FGD6: variants seen among roughly 807,000 people sequenced by gnomAD.
FGD6 encodes FYVE, RhoGEF and PH domain-containing protein 6.
A neutral mutation model predicts 149.4 loss-of-function variants in FGD6; 90 were observed. The observed-to-expected ratio is 0.60, with a 90% CI of 0.51 to 0.72. The LOEUF (loss-of-function observed/expected upper bound fraction) is 0.72. Ranked by LOEUF, FGD6 falls within the 30% of genes least tolerant of loss-of-function variation. The pLI is 0.00. For missense variants in FGD6, 1,437 were observed against 1,684.8 expected (o/e 0.85, Z 2.57); for synonymous variants, 527 against 584.0 (o/e 0.90, Z 1.41).
intron 1 of FGD6, among the ~76,000 whole-genome samples, chr12:95,213,021 C>T (rs902218225): frequency 1.3e-5 from 2 of 151,288 alleles, no homozygotes; most frequent in African/African-American, 4.9e-5. Flanking sequence ...GTTAGCTGTT[C>T]AATCATCATA....
rs185932371 is a variant in FGD6 at position 95,086,058 on chromosome 12, G to C, written c.3979-150C>G. On this transcript the variant is annotated intron_variant, in intron 18 of 20. Coordinates refer to ENST00000343958, the MANE Select transcript of FGD6 (RefSeq NM_018351.4). ...TTTTCAAAGTGCTACTATACAAATTGAACTCTGCTATTAACATGAGCACAA... is the reference window on the plus strand; with the variant it reads ...TTTTCAAAGTGCTACTATACAAATTCAACTCTGCTATTAACATGAGCACAA... 5.8e-4 allele frequency: 448 copies of C among 768,908 alleles called. No homozygotes were observed. In the African/African-American group the frequency reaches 7.2e-3, roughly 12 times the overall value. The allele number at this position is 768,908 out of a possible 1,614,324, so 47.6% of individuals were successfully genotyped here.
intron 8 of FGD6, 22 bp from the exon 9 acceptor site, chr12:95,113,723 T>G (rs937934483): frequency 6.7e-7 from 1 of 1,499,022 alleles, no homozygotes; most frequent in African/African-American, 1.4e-5. Context: ...GAAAAAAAAG[T>G]ATTTAAGTAC....
At chr12:95,194,800 T>C (rs1481989466) in intron 2 of FGD6, among the ~76,000 whole-genome samples, 1 of 152,190 alleles carries the variant, frequency 6.6e-6, no homozygotes, top group African/African-American at 2.4e-5. Flanking sequence ...GTTGTGATTC[T>C]TTACTATAGT....
intron 6 of FGD6, among the ~76,000 whole-genome samples, chr12:95,139,437 C>G (rs1444045764): frequency 6.9e-6 from 1 of 145,560 alleles, no homozygotes; most frequent in African/African-American, 2.6e-5. Context: ...GAAAATCTGT[C>G]TCAAAAAAAA....
At chr12:95,092,996 G>T in intron 15 of FGD6, 151 bp from the exon 16 acceptor site, 1 of 823,386 alleles carries the variant, frequency 1.2e-6, no homozygotes, top group Non-Finnish European at 1.9e-6. Flanking sequence ...CGAGTCGAGT[G>T]GATCACATGA....
At chr12:95,089,446 T>G (rs1818278778) in intron 18 of FGD6, 123 bp downstream of exon 18, 1 of 1,263,644 alleles carries the variant, frequency 7.9e-7, no homozygotes, top group Non-Finnish European at 1.1e-6. Flanking sequence ...ATCATCAGTA[T>G]TAAAATTCAT....
At chr12:95,172,035 A>AGG (rs776447160) in intron 3 of FGD6, among the ~76,000 whole-genome samples, 8,470 of 34,984 alleles carry the variant, frequency 0.24, 424 homozygotes, top group Middle Eastern at 0.33. Context: ...AACAATTCTA[A>AGG]GGGGGGGGGG....
At chr12:95,093,085 G>A (rs1223117346) in intron 15 of FGD6, among the ~76,000 whole-genome samples, 1 of 152,106 alleles carries the variant, frequency 6.6e-6, no homozygotes. Context: ...GCCGGGTGTG[G>A]TGGCGGGTGC....
Position 95,081,588 on chromosome 12 carries a change from A to T in FGD6, c.4257-32T>A, listed in dbSNP as rs74485804. 2.1e-3 allele frequency: 3,250 copies of T among 1,550,824 alleles called. 48 individuals are homozygous for T. In the African/African-American group the frequency reaches 0.038, roughly 18 times the overall value. ...ATAAGAGAAATCGGTTAGATTTGTA[A>T]AACCTAATCATCTGACGTGTGAACA... On this transcript the variant is annotated intron_variant, in intron 20 of 20. Transcript: ENST00000343958.
chr12:95,166,010 G>T (rs1173841249), intron 3 of FGD6, among the ~76,000 whole-genome samples: 1 of 150,300 alleles, frequency 6.7e-6, no homozygotes, highest in Non-Finnish European at 1.5e-5. Context: ...GCTCAGGCTG[G>T]AGTGCAGACT....
chr12:95,108,299 AC>A (rs1166700161), intron 11 of FGD6, 48 bp downstream of exon 11: 2 of 1,489,530 alleles, frequency 1.3e-6, no homozygotes, highest in Non-Finnish European at 1.9e-6. Context: ...TACAGATGGT[AC>A]CTAAATGCAT....
intron 9 of FGD6, 38 bp downstream of exon 9, chr12:95,113,613 A>G (rs1334560892): frequency 2.7e-6 from 4 of 1,474,204 alleles, no homozygotes; most frequent in Non-Finnish European, 3.7e-6. Context: ...CTAAATAAAC[A>G]TAATATAAAA....
At position 95,152,812 on chromosome 12, in the gene FGD6, A is replaced by G. The variant is rs1252914761; in HGVS notation, c.2684T>C (p.Ile895Thr). The change falls in exon 5 of 21, where the codon ATT becomes ACT. Residue 895 changes from isoleucine (I) to threonine (T), a missense_variant and splice_region_variant. Coordinates refer to ENST00000343958, the MANE Select transcript of FGD6 (RefSeq NM_018351.4). ...AAGAAAATATTAGCAGATACTTACA[A>G]TATGCAAAAGTTTTAACACATCCAC... is the stretch of plus-strand genomic sequence containing the variant. ...VFVDVLKLLH[I>T]DFRDAVAHAS... 5 of 1,612,470 alleles carry G rather than the reference A, an allele frequency of 3.1e-6. No individual in the cohort carries two copies. The highest frequency in any genetic ancestry group is 4.2e-6 in the Non-Finnish European group (5 of 1,179,062).
At chr12:95,130,123 T>C (rs957899969) in intron 8 of FGD6, among the ~76,000 whole-genome samples, 1 of 152,100 alleles carries the variant, frequency 6.6e-6, no homozygotes, top group South Asian at 2.1e-4. Context: ...CAGGAAGAGA[T>C]TGCCCAAATA....
At chr12:95,116,405 T>C (rs1244002456) in intron 8 of FGD6, among the ~76,000 whole-genome samples, 22 of 152,200 alleles carry the variant, frequency 1.4e-4, no homozygotes, top group Admixed American at 1.4e-3. Flanking sequence ...CATGGCGACT[T>C]CCTAGTTTGT....
At chr12:95,190,158 T>TA (rs952313297) in intron 2 of FGD6, among the ~76,000 whole-genome samples, 27 of 152,304 alleles carry the variant, frequency 1.8e-4, no homozygotes, top group African/African-American at 6.5e-4. Context: ...ACAGTAGGAA[T>TA]AAAAAGATAA....
At chr12:95,114,730 C>T (rs942475946) in intron 8 of FGD6, among the ~76,000 whole-genome samples, 13 of 152,162 alleles carry the variant, frequency 8.5e-5, no homozygotes, top group Non-Finnish European at 1.6e-4. Flanking sequence ...GGCAATACTT[C>T]CTTCTCTGTT....
rs200964867 is a variant in FGD6, at chr12:95,120,066, CA to C, written c.3083-6366del. 6.7e-3 allele frequency among the ~76,000 whole-genome samples: 1,009 copies of C among 151,676 alleles called. 17 individuals are homozygous for C. Among genetic ancestry groups the C allele is most frequent in the African/African-American group, 0.022 (897 of 41,364 alleles). ...CAACATGGTGAAACCCCATCTCTAC[CA>C]AAAATACAAAAGTTAGCCGGGTGTG... On this transcript the variant is annotated intron_variant, in intron 8 of 20. Coordinates refer to ENST00000343958, the MANE Select transcript of FGD6 (RefSeq NM_018351.4).
At chr12:95,088,898 C>A (rs1364275635) in intron 18 of FGD6, among the ~76,000 whole-genome samples, 1 of 152,266 alleles carries the variant, frequency 6.6e-6, no homozygotes, top group African/African-American at 2.4e-5. Flanking sequence ...TGCTAGAACA[C>A]CTCCTCAGTA....
Sources: gnomAD v4.1 joint callset for allele counts (sites outside exome capture counted in the v4.1 genomes callset) on GRCh38, gnomAD v4.1.1 for gene constraint, MANE v1.5 for transcripts, NCBI Gene and HGNC (gene_info 2026-07-23, HGNC 2026-07-21) for gene names.